The following CCDC149 variants were observed in gnomAD, a reference collection of about 807,000 sequenced individuals.
CCDC149 encodes the protein coiled-coil domain containing 149.
Under a neutral mutation model 59.9 loss-of-function variants are expected in CCDC149, and 45 were observed. The ratio of observed to expected loss-of-function variants is 0.75; its 90% CI spans 0.59 to 0.96. The LOEUF (loss-of-function observed/expected upper bound fraction) is 0.96. CCDC149 is among the 40% of genes least tolerant of loss of function. The probability of loss-of-function intolerance (pLI) is 0.00; values close to 1 mark genes in which losing one functional copy is unlikely to be tolerated. For synonymous variants in CCDC149, 245 were observed against 260.6 expected (o/e 0.94, Z 0.58); for missense variants, 584 against 664.7 (o/e 0.88, Z 1.33).
chr4:24,958,549 A>G (rs1723538838), intron 1 of CCDC149, among the ~76,000 whole-genome samples: 1 of 152,246 alleles, frequency 6.6e-6, no homozygotes, highest in African/African-American at 2.4e-5. Context: ...CAAGGACGTT[A>G]AAAGTCATTA....
chr4:24,885,281 C>T (rs73250614), intron 1 of CCDC149, among the ~76,000 whole-genome samples: 1 of 152,252 alleles, frequency 6.6e-6, no homozygotes, highest in Non-Finnish European at 1.5e-5. Flanking sequence ...ATCCTGACAT[C>T]CTGTGGTGTA....
chr4:24,935,534 C>G (rs963412492), intron 1 of CCDC149, among the ~76,000 whole-genome samples: 1 of 151,972 alleles, frequency 6.6e-6, no homozygotes, highest in Non-Finnish European at 1.5e-5. Flanking sequence ...ACAGCAGAAC[C>G]CTCATGAGTG....
At chr4:24,955,086 G>A (rs1293461568) in intron 1 of CCDC149, among the ~76,000 whole-genome samples, 1 of 152,056 alleles carries the variant, frequency 6.6e-6, no homozygotes, top group African/African-American at 2.4e-5. Context: ...TACTCCATTT[G>A]TGTTTCTATA....
At chr4:24,911,822 G>A (rs954139700) in intron 1 of CCDC149, among the ~76,000 whole-genome samples, 3 of 152,192 alleles carry the variant, frequency 2.0e-5, no homozygotes, top group Non-Finnish European at 4.4e-5. Context: ...GGGAGTAGAG[G>A]GTTTCCCTTC....
chr4:24,938,664 A>T (rs1722854053), intron 1 of CCDC149, among the ~76,000 whole-genome samples: 1 of 151,878 alleles, frequency 6.6e-6, no homozygotes, highest in Admixed American at 6.6e-5. Context: ...GGGGTGACAG[A>T]CAGCACCTGG....
At chr4:24,959,493 G>GAA (rs61289875) in intron 1 of CCDC149, among the ~76,000 whole-genome samples, 2 of 149,746 alleles carry the variant, frequency 1.3e-5, no homozygotes, top group African/African-American at 2.5e-5. Flanking sequence ...AAGCAGCACA[G>GAA]AAAAAAAAAA....
chr4:24,971,276 G>C (rs1222615735), intron 1 of CCDC149, among the ~76,000 whole-genome samples: 1 of 152,180 alleles, frequency 6.6e-6, no homozygotes, highest in African/African-American at 2.4e-5. Flanking sequence ...TCTCTGTGTT[G>C]TTGTTGTGGG....
At chr4:24,946,724 G>C (rs1010930096) in intron 1 of CCDC149, among the ~76,000 whole-genome samples, 2 of 152,206 alleles carry the variant, frequency 1.3e-5, no homozygotes, top group Non-Finnish European at 2.9e-5. Flanking sequence ...AGCGTGGGTA[G>C]GAGCTTCATC....
chr4:24,959,318 C>A (rs976620772), intron 1 of CCDC149, among the ~76,000 whole-genome samples: 2 of 152,098 alleles, frequency 1.3e-5, no homozygotes, highest in African/African-American at 2.4e-5. Context: ...ACCTGTGGGA[C>A]AACTGTGTTT....
intron 3 of CCDC149, among the ~76,000 whole-genome samples, chr4:24,856,026 AC>A (rs1717982747): frequency 6.6e-6 from 1 of 152,196 alleles, no homozygotes; most frequent in Non-Finnish European, 1.5e-5. Flanking sequence ...TAAATAATGA[AC>A]AAAGAATGCC....
chr4:24,922,423 T>C (rs1183677774), intron 1 of CCDC149, among the ~76,000 whole-genome samples: 1 of 152,232 alleles, frequency 6.6e-6, no homozygotes, highest in African/African-American at 2.4e-5. Flanking sequence ...ACTCACTCAG[T>C]AATATTTGCC....
At chr4:24,973,044 T>C (rs1724027623) in intron 1 of CCDC149, among the ~76,000 whole-genome samples, 2 of 152,290 alleles carry the variant, frequency 1.3e-5, no homozygotes. Flanking sequence ...ACCTAGACAC[T>C]CTTCTATTGA....
intron 4 of CCDC149, among the ~76,000 whole-genome samples, chr4:24,849,526 C>T (rs78344450): frequency 0.012 from 1,816 of 152,280 alleles, 23 homozygotes; most frequent in African/African-American, 0.031. Context: ...GGCACAAGAA[C>T]GCTGCCCCCT....
In CCDC149 at chr4:24,906,364, A is replaced by AATTTTATTGTATTTTTTT. The variant is rs1553859580; in HGVS notation, c.63+6452_63+6453insAAAAAAATACAATAAAAT. 3.8e-3 allele frequency among the ~76,000 whole-genome samples: 159 copies of AATTTTATTGTATTTTTTT among 42,016 alleles called. 11 individuals carry two copies. The Middle Eastern group carries it at 0.053, about 14-fold the overall frequency. 27.6% of individuals were successfully genotyped at this position (42,016 alleles called of 152,430 possible). A position where few individuals can be genotyped will look rare whatever the true frequency, so the allele number is the denominator to read the frequency against. Reference sequence around the variant, plus strand: ...AGAGTAACTCAGGGGCAGCGGAACAAATTTTATTTTATTTTATTTTATTTT... The same window carrying AATTTTATTGTATTTTTTT: ...AGAGTAACTCAGGGGCAGCGGAACAAATTTTATTGTATTTTTTTATTTTATTTTATTTTATTTTATTTT... On this transcript the variant is annotated intron_variant, in intron 1 of 12. Transcript: ENST00000635206.
intron 1 of CCDC149, among the ~76,000 whole-genome samples, chr4:24,952,051 T>G (rs1421326218): frequency 6.6e-6 from 1 of 152,144 alleles, no homozygotes; most frequent in African/African-American, 2.4e-5. Flanking sequence ...TGTTCCCTTC[T>G]CAGATCATCC....
chr4:24,865,133 G>C (rs1243789966), intron 3 of CCDC149, among the ~76,000 whole-genome samples: 1 of 152,112 alleles, frequency 6.6e-6, no homozygotes, highest in Non-Finnish European at 1.5e-5. Flanking sequence ...AAGAAAACAA[G>C]AGAGAGACAG....
intron 1 of CCDC149, among the ~76,000 whole-genome samples, chr4:24,945,541 G>A (rs1723082949): frequency 6.6e-6 from 1 of 152,068 alleles, no homozygotes; most frequent in Non-Finnish European, 1.5e-5. Context: ...TTGATTTCAG[G>A]CGTCTGGACT....
At chr4:24,933,278 T>C (rs1722647471) in intron 1 of CCDC149, among the ~76,000 whole-genome samples, 3 of 152,204 alleles carry the variant, frequency 2.0e-5, no homozygotes, top group Admixed American at 2.0e-4. Context: ...TGGTACTTTG[T>C]CATTAACCTA....
At chr4:24,850,026 A>G (rs1717555072) in intron 4 of CCDC149, among the ~76,000 whole-genome samples, 2 of 152,198 alleles carry the variant, frequency 1.3e-5, no homozygotes, top group Admixed American at 6.5e-5. Flanking sequence ...CTGTTGGGAC[A>G]GTTTGCTTTT....
Sources: allele counts gnomAD v4.1 joint callset (sites outside exome capture counted in the v4.1 genomes callset), GRCh38; gene constraint gnomAD v4.1.1; transcripts MANE v1.5; gene names NCBI Gene and HGNC (gene_info 2026-07-23, HGNC 2026-07-21).